The following KLF12 variants were observed in gnomAD, a reference collection of about 807,000 sequenced individuals.
KLF12 encodes the protein Krueppel-like factor 12.
Under a neutral mutation model 37.8 loss-of-function variants are expected in KLF12, and 9 were observed. The observed-to-expected ratio is 0.24, with a 90% CI of 0.14 to 0.42. The LOEUF is 0.42. Ranked by LOEUF, KLF12 falls within the 10% of genes least tolerant of loss-of-function variation. The probability of loss-of-function intolerance (pLI) is 1.00; values close to 1 mark genes in which losing one functional copy is unlikely to be tolerated. For missense variants in KLF12, 411 were observed against 516.0 expected, an observed-to-expected ratio of 0.80 and a Z score of 1.97; for synonymous variants, 208 against 202.1, an observed-to-expected ratio of 1.03 and a Z score of -0.25.
the KLF12 span, among the ~76,000 whole-genome samples, chr13:74,250,894 A>G: frequency 6.6e-6 from 1 of 152,236 alleles, no homozygotes; most frequent in Non-Finnish European, 1.5e-5. Context: ...TTCAAAGAAT[A>G]ATTAATGAAA....
intron 6 of KLF12, among the ~76,000 whole-genome samples, chr13:73,725,265 T>A (rs1171279963): frequency 6.6e-6 from 1 of 152,246 alleles, no homozygotes; most frequent in Middle Eastern, 3.4e-3. Context: ...CACACCCAGC[T>A]AATTTTTGTA....
chr13:73,869,111 C>T (rs1886339521), intron 3 of KLF12, among the ~76,000 whole-genome samples: 1 of 152,056 alleles, frequency 6.6e-6, no homozygotes, highest in Non-Finnish European at 1.5e-5. Flanking sequence ...GTACATCTCT[C>T]CATGTGTTAT....
intron 4 of KLF12, among the ~76,000 whole-genome samples, chr13:73,817,818 C>A (rs1043691459): frequency 6.6e-6 from 1 of 152,174 alleles, no homozygotes; most frequent in African/African-American, 2.4e-5. Flanking sequence ...TCTGCATATG[C>A]CGTAGGGTGA....
At chr13:74,010,430 C>T (rs1166080749) in intron 1 of KLF12, among the ~76,000 whole-genome samples, 1 of 152,162 alleles carries the variant, frequency 6.6e-6, no homozygotes, top group Non-Finnish European at 1.5e-5. Context: ...CCTCCTGATG[C>T]TGGATGAGAT....
At chr13:73,721,046 C>T (rs570815273) in intron 6 of KLF12, among the ~76,000 whole-genome samples, 3 of 152,326 alleles carry the variant, frequency 2.0e-5, no homozygotes, top group African/African-American at 7.2e-5. Flanking sequence ...CTGAGGATAA[C>T]AATGATATTT....
chr13:74,061,124 T>C (rs1476970085), intron 1 of KLF12, among the ~76,000 whole-genome samples: 1 of 152,158 alleles, frequency 6.6e-6, no homozygotes, highest in East Asian at 1.9e-4. Context: ...CACATTAACT[T>C]TGGTCTTTTT....
intron 4 of KLF12, among the ~76,000 whole-genome samples, chr13:73,814,137 C>A (rs986618088): frequency 2.0e-5 from 3 of 152,208 alleles, no homozygotes; most frequent in African/African-American, 7.2e-5. Flanking sequence ...GAATTTCTAT[C>A]AGCCCTCGCT....
the KLF12 span, among the ~76,000 whole-genome samples, chr13:74,296,102 A>G: frequency 6.6e-6 from 1 of 151,880 alleles, no homozygotes; most frequent in African/African-American, 2.4e-5. Context: ...TACAGGCATA[A>G]ACCACTGTGC....
rs982993884 is a variant in KLF12 at position 73,690,265 on chromosome 13, A to G, written c.*5225T>C. On this transcript the variant is annotated 3_prime_UTR_variant, in exon 8 of 8. Coordinates refer to ENST00000377669, the MANE Select transcript of KLF12 (RefSeq NM_007249.5). ...CTTTCAGCATTTAATTTATTTCTGA[A>G]AATGGGCATTAGCTTATTCCTATTG... is the stretch of plus-strand genomic sequence containing the variant. 1 of 152,588 alleles carries G rather than the reference A, an allele frequency of 6.6e-6. No homozygotes were observed. The highest frequency in any genetic ancestry group is 1.5e-5 in the Non-Finnish European group (1 of 68,012). 9.5% of individuals were successfully genotyped at this position (152,588 alleles called of 1,614,324 possible). A position where few individuals can be genotyped will look rare whatever the true frequency, so the allele number is the denominator to read the frequency against.
the KLF12 span, among the ~76,000 whole-genome samples, chr13:74,283,134 C>T: frequency 7.1e-3 from 1,085 of 152,216 alleles, 14 homozygotes; most frequent in African/African-American, 0.025. Flanking sequence ...ATTGGAGAAA[C>T]CAGAGGAAAT....
chr13:73,886,945 T>A, intron 3 of KLF12, among the ~76,000 whole-genome samples: 1 of 139,552 alleles, frequency 7.2e-6, no homozygotes, highest in Non-Finnish European at 1.5e-5. Flanking sequence ...TGAGCTGAGA[T>A]CCCGCCATTG....
At chr13:74,126,434 AT>A (rs924811676) in intron 1 of KLF12, among the ~76,000 whole-genome samples, 2 of 152,142 alleles carry the variant, frequency 1.3e-5, no homozygotes, top group Admixed American at 6.6e-5. Flanking sequence ...AAGTATTTGT[AT>A]TTTTTGTGTT....
At chr13:74,287,395 A>AGAG in the KLF12 span, among the ~76,000 whole-genome samples, 87 of 147,210 alleles carry the variant, frequency 5.9e-4, no homozygotes, top group South Asian at 8.7e-4. Context: ...AGAGAGAGAG[A>AGAG]ATCCACCTCT....
chr13:74,013,660 C>T (rs1015743736), intron 1 of KLF12, among the ~76,000 whole-genome samples: 2 of 152,006 alleles, frequency 1.3e-5, no homozygotes, highest in Middle Eastern at 3.2e-3. Flanking sequence ...TTTCTCTGGG[C>T]CCTTGCAAGG....
At chr13:73,849,391 A>C (rs1007085419) in intron 3 of KLF12, among the ~76,000 whole-genome samples, 5 of 151,422 alleles carry the variant, frequency 3.3e-5, no homozygotes, top group African/African-American at 1.2e-4. Flanking sequence ...AAAAAAAAAA[A>C]AAAAAAAAAG....
chr13:74,216,510 C>A, the KLF12 span, among the ~76,000 whole-genome samples: 3 of 152,138 alleles, frequency 2.0e-5, no homozygotes, highest in East Asian at 5.8e-4. Flanking sequence ...TGAGCCTTGG[C>A]CGGTGTCCTG....
At chr13:73,746,998 G>A (rs558922120) in intron 6 of KLF12, among the ~76,000 whole-genome samples, 1 of 151,848 alleles carries the variant, frequency 6.6e-6, no homozygotes, top group Admixed American at 6.6e-5. Context: ...TGTATTTTTA[G>A]TAGAGATGGG....
chr13:74,238,640 G>T, the KLF12 span, among the ~76,000 whole-genome samples: 2 of 146,504 alleles, frequency 1.4e-5, no homozygotes, highest in Admixed American at 6.6e-5. Context: ...TCTATTCAGA[G>T]ATTCAACTTC....
At chr13:74,141,863 G>T in the KLF12 span, among the ~76,000 whole-genome samples, 2 of 152,122 alleles carry the variant, frequency 1.3e-5, no homozygotes, top group Non-Finnish European at 2.9e-5. Flanking sequence ...CAACCAACTG[G>T]CAGTTGCCTT....
Sources: gnomAD v4.1 joint callset for allele counts (sites outside exome capture counted in the v4.1 genomes callset) on GRCh38, gnomAD v4.1.1 for gene constraint, MANE v1.5 for transcripts, NCBI Gene and HGNC (gene_info 2026-07-23, HGNC 2026-07-21) for gene names.